Variants in MTSS1 observed in about 807,000 individuals in gnomAD.
MTSS1 encodes the protein protein MTSS 1.
A neutral mutation model predicts 79.0 loss-of-function variants in MTSS1; 18 were observed. The observed-to-expected ratio is 0.23, with a 90% CI of 0.16 to 0.34. MTSS1 has a LOEUF of 0.34. Among genes scored for constraint, MTSS1 ranks in the 10% least tolerant of loss-of-function variants. MTSS1 has a pLI of 1.00. For synonymous variants in MTSS1, 341 were observed against 368.6 expected (o/e 0.93, Z 0.86); for missense variants, 815 against 986.2 (o/e 0.83, Z 2.33).
chr8:124,630,821 A>G (rs548823736), intron 3 of MTSS1, among the ~76,000 whole-genome samples: 3 of 152,344 alleles, frequency 2.0e-5, no homozygotes, highest in Non-Finnish European at 4.4e-5. Context: ...TCTGCTATCA[A>G]CACATAAAGC....
intron 3 of MTSS1, among the ~76,000 whole-genome samples, chr8:124,669,904 G>A (rs182526829): frequency 5.5e-4 from 84 of 152,184 alleles, no homozygotes; most frequent in Admixed American, 4.1e-3. Flanking sequence ...TCTGCAGTAG[G>A]ATGTGTCTGC....
chr8:124,558,893 A>G (rs550282326), intron 10 of MTSS1: 1 of 1,480,200 alleles, frequency 6.8e-7, no homozygotes, highest in African/African-American at 1.4e-5. Flanking sequence ...CACCACCAAA[A>G]TATAATAAAT....
chr8:124,703,451 C>T (rs1564024393), intron 2 of MTSS1, among the ~76,000 whole-genome samples: 1 of 152,264 alleles, frequency 6.6e-6, no homozygotes, highest in Middle Eastern at 3.4e-3. Flanking sequence ...CGTCACCATG[C>T]CCAGCTAATT....
chr8:124,578,221 CA>C (rs1253648729), intron 6 of MTSS1, among the ~76,000 whole-genome samples: 1 of 152,104 alleles, frequency 6.6e-6, no homozygotes, highest in African/African-American at 2.4e-5. Flanking sequence ...GTTCTCTATG[CA>C]CACAGTCCAC....
At chr8:124,649,757 G>T (rs571727353) in intron 3 of MTSS1, among the ~76,000 whole-genome samples, 34 of 152,072 alleles carry the variant, frequency 2.2e-4, no homozygotes, top group Non-Finnish European at 5.0e-4. Context: ...AAGAAAGGAC[G>T]CAAGGCTCTC....
At chr8:124,696,313 G>A (rs1828813371) in intron 3 of MTSS1, among the ~76,000 whole-genome samples, 1 of 152,098 alleles carries the variant, frequency 6.6e-6, no homozygotes. Context: ...TTAAACTAAA[G>A]AGCATGTCCT....
intron 3 of MTSS1, among the ~76,000 whole-genome samples, chr8:124,591,562 C>G (rs192744443): frequency 1.0e-3 from 152 of 152,288 alleles, no homozygotes; most frequent in Admixed American, 2.8e-3. Context: ...TATAAATCGA[C>G]CATGACCTGT....
At chr8:124,608,005 G>A (rs2133197627) in intron 3 of MTSS1, among the ~76,000 whole-genome samples, 1 of 152,144 alleles carries the variant, frequency 6.6e-6, no homozygotes, top group South Asian at 2.1e-4. Flanking sequence ...GCTGGAAGTG[G>A]AAGATAAAAT....
intron 3 of MTSS1, among the ~76,000 whole-genome samples, chr8:124,660,506 G>T (rs1036404074): frequency 1.3e-5 from 2 of 150,174 alleles, no homozygotes; most frequent in African/African-American, 4.9e-5. Context: ...AAGATCAAGG[G>T]GATAAATCAA....
At chr8:124,714,226 G>A (rs948630026) in intron 1 of MTSS1, among the ~76,000 whole-genome samples, 6 of 152,246 alleles carry the variant, frequency 3.9e-5, no homozygotes, top group Middle Eastern at 6.8e-3. Context: ...TGAAGGCACC[G>A]CCTCACATGT....
At chr8:124,670,208 C>A (rs1823862884) in intron 3 of MTSS1, among the ~76,000 whole-genome samples, 1 of 152,074 alleles carries the variant, frequency 6.6e-6, no homozygotes, top group South Asian at 2.1e-4. Flanking sequence ...CAGAAAAGGC[C>A]CTCCTGAGGT....
intron 3 of MTSS1, among the ~76,000 whole-genome samples, chr8:124,689,140 T>C (rs1336398449): frequency 6.6e-6 from 1 of 152,154 alleles, no homozygotes; most frequent in Non-Finnish European, 1.5e-5. Flanking sequence ...CTTGAGTTAT[T>C]TTCTGGTAAC....
chr8:124,593,683 G>A (rs1193217557), intron 3 of MTSS1, among the ~76,000 whole-genome samples: 3 of 152,130 alleles, frequency 2.0e-5, no homozygotes, highest in Admixed American at 6.6e-5. Context: ...TTTAATCCTC[G>A]CAGCACCTCC....
In MTSS1 at chr8:124,557,529, A is replaced by G. The variant is rs558614075; in HGVS notation, c.1230+152T>C. On this transcript the variant is annotated intron_variant, in intron 11 of 13. Transcript: ENST00000518547. ...CCGGCTGCTTTCTGCTTCTCCCCCA[A>G]TGGGAGTTTCCTGAGGGAGAGGCAT... 416 of 843,548 alleles carry G rather than the reference A, an allele frequency of 4.9e-4. 2 individuals carry two copies. The highest frequency in any genetic ancestry group is 3.0e-3 in the South Asian group (157 of 51,898). The allele number at this position is 843,548 out of a possible 1,614,324, so 52.3% of individuals were successfully genotyped here.
intron 1 of MTSS1, among the ~76,000 whole-genome samples, chr8:124,719,494 C>A (rs1295568599): frequency 6.6e-6 from 1 of 152,156 alleles, no homozygotes; most frequent in Non-Finnish European, 1.5e-5. Flanking sequence ...GTGGATTACA[C>A]TGAACTCTAA....
intron 3 of MTSS1, among the ~76,000 whole-genome samples, chr8:124,685,059 T>C (rs1434749623): frequency 1.3e-5 from 2 of 152,118 alleles, no homozygotes; most frequent in Non-Finnish European, 1.5e-5. Context: ...AATAAATAAA[T>C]ATAAACCAAG....
intron 3 of MTSS1, among the ~76,000 whole-genome samples, chr8:124,604,078 AG>A (rs1396393756): frequency 6.6e-6 from 1 of 152,096 alleles, no homozygotes; most frequent in African/African-American, 2.4e-5. Context: ...CTGGGCGTGG[AG>A]GCAGGCGCCT....
intron 5 of MTSS1, 77 bp from the exon 6 acceptor site, chr8:124,585,238 C>T (rs1481223122): frequency 4.9e-6 from 5 of 1,025,382 alleles, no homozygotes; most frequent in African/African-American, 1.6e-5. Flanking sequence ...ACAGCCATTA[C>T]ATTTATCACA....
intron 3 of MTSS1, among the ~76,000 whole-genome samples, chr8:124,638,040 G>A (rs1030740742): frequency 6.6e-6 from 1 of 152,240 alleles, no homozygotes; most frequent in South Asian, 2.1e-4. Flanking sequence ...AAACTTTAAT[G>A]TATAGAAGAA....
Sources: gnomAD v4.1 joint callset for allele counts (sites outside exome capture counted in the v4.1 genomes callset) on GRCh38, gnomAD v4.1.1 for gene constraint, MANE v1.5 for transcripts, NCBI Gene and HGNC (gene_info 2026-07-23, HGNC 2026-07-21) for gene names.